CAMTA1: variants seen among roughly 807,000 people sequenced by gnomAD.
CAMTA1 encodes calmodulin-binding transcription activator 1.
In CAMTA1, 27 loss-of-function variants were observed where a neutral mutation model predicts 170.9. That is an observed-to-expected ratio of 0.16 (90% CI 0.12 to 0.22). The LOEUF is 0.22. CAMTA1 is among the 10% of genes least tolerant of loss of function. The pLI is 1.00. For synonymous variants in CAMTA1, 833 were observed against 891.5 expected, an observed-to-expected ratio of 0.93 and a Z score of 1.17; for missense variants, 1,619 against 2,217.2, an observed-to-expected ratio of 0.73 and a Z score of 5.42.
Position 7,113,440 on chromosome 1 carries a change from G to C in CAMTA1, c.302+22069G>C, listed in dbSNP as rs891483253. On this transcript the variant is annotated intron_variant, in intron 4 of 22. Transcript: ENST00000303635. The surrounding 1 kb of genome is among the most constrained non-coding windows in gnomAD (Gnocchi z 4.5). ...GGGGTCATCTTTACTTGATTCCCTTGGTCTGGAGAGAAGGATCTAGGGGCC... is the reference window on the plus strand; with the variant it reads ...GGGGTCATCTTTACTTGATTCCCTTCGTCTGGAGAGAAGGATCTAGGGGCC... 2.0e-4 allele frequency among the ~76,000 whole-genome samples: 30 copies of C among 152,160 alleles called. No individual in the cohort carries two copies. The highest frequency in any genetic ancestry group is 6.8e-4 in the African/African-American group (28 of 41,424).
intron 4 of CAMTA1, among the ~76,000 whole-genome samples, chr1:7,179,743 G>A (rs975140725): frequency 3.9e-5 from 6 of 152,140 alleles, no homozygotes; most frequent in African/African-American, 1.4e-4. Context: ...GCAGTGATTG[G>A]AAGGAAATTC....
intron 4 of CAMTA1, among the ~76,000 whole-genome samples, chr1:7,163,454 G>A (rs1050521351): frequency 9.2e-5 from 14 of 152,276 alleles, no homozygotes; most frequent in African/African-American, 1.4e-4. Flanking sequence ...CAGGCAGCAC[G>A]GCCAGGAGTC....
chr1:7,027,610 G>T (rs1042208761), intron 3 of CAMTA1, among the ~76,000 whole-genome samples: 4 of 152,204 alleles, frequency 2.6e-5, no homozygotes, highest in Non-Finnish European at 4.4e-5. Context: ...GGACATCTGA[G>T]TGAGAGTTCA....
At chr1:7,332,335 C>CA (rs950537340) in intron 5 of CAMTA1, among the ~76,000 whole-genome samples, 71 of 151,914 alleles carry the variant, frequency 4.7e-4, no homozygotes, top group African/African-American at 1.5e-3. Flanking sequence ...TGTCGGTAAA[C>CA]AAAAAAAATG....
At chr1:6,940,235 C>T (rs886297847) in intron 3 of CAMTA1, among the ~76,000 whole-genome samples, 1 of 152,246 alleles carries the variant, frequency 6.6e-6, no homozygotes, top group East Asian at 1.9e-4. Flanking sequence ...CCATGATCTA[C>T]TCTCTGTGAA....
intron 5 of CAMTA1, among the ~76,000 whole-genome samples, chr1:7,292,778 C>G (rs1313438694): frequency 6.6e-6 from 1 of 152,218 alleles, no homozygotes; most frequent in South Asian, 2.1e-4. Context: ...AGAGAAAATG[C>G]AACCATTTTG....
intron 3 of CAMTA1, among the ~76,000 whole-genome samples, chr1:7,069,388 G>T (rs1056730867): frequency 7.2e-5 from 11 of 151,998 alleles, no homozygotes; most frequent in Admixed American, 5.2e-4. Context: ...TCCTTTTTTT[G>T]GAGCCTCACC....
At chr1:7,072,220 A>G (rs1305674973) in intron 3 of CAMTA1, among the ~76,000 whole-genome samples, 1 of 152,166 alleles carries the variant, frequency 6.6e-6, no homozygotes, top group Non-Finnish European at 1.5e-5. Flanking sequence ...CATTAGCCAC[A>G]TGGGGGCTTA....
At chr1:7,398,331 G>A (rs1228174059) in intron 5 of CAMTA1, among the ~76,000 whole-genome samples, 2 of 147,946 alleles carry the variant, frequency 1.4e-5, no homozygotes, top group Non-Finnish European at 3.0e-5. Context: ...TTATTATATA[G>A]CGAGTGTCTT....
Position 7,439,765 on chromosome 1 carries a change from C to T in CAMTA1, c.439-28065C>T, listed in dbSNP as rs7514143. On this transcript the variant is annotated intron_variant, in intron 5 of 22. Coordinates refer to ENST00000303635, the MANE Select transcript of CAMTA1 (RefSeq NM_015215.4). The stretch of plus-strand genomic sequence containing the variant: ...CTAGGGTGCAGGTCTCTGAGCTCCC[C>T]AGGTGCAGATGAAGGGGTGAAGGGA... Among the ~76,000 whole-genome samples the T allele has an allele frequency of 5.3e-4, 81 of 152,304 alleles. 2 individuals are homozygous for T. The highest frequency in any genetic ancestry group is 1.8e-3 in the African/African-American group (75 of 41,566).
In CAMTA1 at chr1:7,432,571, C is replaced by T. The variant is rs58313395; in HGVS notation, c.439-35259C>T. Among the ~76,000 whole-genome samples, 1,372 of 152,286 alleles carry T rather than the reference C, an allele frequency of 9.0e-3. 21 individuals carry two copies. The highest frequency in any genetic ancestry group is 0.031 in the African/African-American group (1,299 of 41,550). ...GAGAGGAAGCATCCTGGTGGGGTCA[C>T]CACGGGGCCAGGATGCTGAGGGGCC... On this transcript the variant is annotated intron_variant, in intron 5 of 22. Transcript: ENST00000303635.
At chr1:7,177,027 A>T (rs1000943634) in intron 4 of CAMTA1, among the ~76,000 whole-genome samples, 2 of 152,018 alleles carry the variant, frequency 1.3e-5, no homozygotes, top group African/African-American at 4.8e-5. Flanking sequence ...TGGCTGGGCA[A>T]TAGACCATGC....
chr1:6,935,200 T>C (rs1229553350), intron 3 of CAMTA1, among the ~76,000 whole-genome samples: 1 of 152,182 alleles, frequency 6.6e-6, no homozygotes, highest in Non-Finnish European at 1.5e-5. Context: ...GCATATATAT[T>C]GTCAAATAAT....
intron 4 of CAMTA1, among the ~76,000 whole-genome samples, chr1:7,155,978 C>T (rs1646855444): frequency 1.3e-5 from 2 of 152,032 alleles, no homozygotes; most frequent in East Asian, 1.9e-4. Flanking sequence ...ATAGAGCAGG[C>T]GCGGTGGCTC....
intron 6 of CAMTA1, among the ~76,000 whole-genome samples, chr1:7,632,565 C>T (rs931319201): frequency 5.3e-5 from 8 of 152,224 alleles, no homozygotes; most frequent in African/African-American, 1.9e-4. Context: ...AAACCAACAG[C>T]TTTTTGCATT....
In CAMTA1 at chr1:7,736,345, G is replaced by A; in HGVS notation, c.3068G>A (p.Cys1023Tyr). 1 of 1,613,782 alleles carries A rather than the reference G, an allele frequency of 6.2e-7. No homozygotes were observed. The highest frequency in any genetic ancestry group is 1.3e-5 in the African/African-American group (1 of 75,020). The change falls in exon 13 of 23, where the codon TGT becomes TAT. Residue 1023 changes from cysteine (C) to tyrosine (Y), a missense_variant and splice_region_variant. Around this residue, in one of 8 missense-constraint regions of CAMTA1, gnomAD observed 143 missense variants for 184.2 expected, o/e 0.78. Coordinates refer to ENST00000303635, the MANE Select transcript of CAMTA1 (RefSeq NM_015215.4). This position sits in a 1 kb window ranked among gnomAD's most constrained non-coding sequence, Gnocchi z 4.5. ...GTAACGTGCGCTTTTTTGTGACAGT[G>A]TGCTTCTGGGACTGGGGCCTTGGGG... Reference protein sequence around the residue: ...GSGNGGSQAQCASGTGALGSC... With the variant: ...GSGNGGSQAQYASGTGALGSC...
intron 5 of CAMTA1, among the ~76,000 whole-genome samples, chr1:7,392,333 G>A (rs1317747374): frequency 3.4e-5 from 5 of 146,072 alleles, no homozygotes; most frequent in East Asian, 2.1e-4. Flanking sequence ...TCAGCTCACC[G>A]CAACCTCCAC....
chr1:6,914,812 G>A (rs1202283977), intron 3 of CAMTA1, among the ~76,000 whole-genome samples: 3 of 152,168 alleles, frequency 2.0e-5, no homozygotes, highest in Non-Finnish European at 4.4e-5. Flanking sequence ...GTTACTCTGC[G>A]TTTTTTTCTC....
chr1:7,081,020 G>T (rs1204922083), intron 3 of CAMTA1, among the ~76,000 whole-genome samples: 1 of 152,244 alleles, frequency 6.6e-6, no homozygotes, highest in South Asian at 2.1e-4. Flanking sequence ...TTCAAAGAGT[G>T]CATGGCTACC....
Sources: allele counts gnomAD v4.1 joint callset (sites outside exome capture counted in the v4.1 genomes callset), GRCh38; gene constraint gnomAD v4.1.1; regional missense constraint gnomAD v4.1.1; non-coding constraint Gnocchi (gnomAD v3.1); transcripts MANE v1.5; gene names NCBI Gene and HGNC (gene_info 2026-07-23, HGNC 2026-07-21).